The following CSMD1 variants were observed in gnomAD, a reference collection of about 807,000 sequenced individuals.
CSMD1 encodes CUB and Sushi multiple domains 1, also known as CUB and sushi domain-containing protein 1.
Under a neutral mutation model 417.5 loss-of-function variants are expected in CSMD1, and 213 were observed. The ratio of observed to expected loss-of-function variants is 0.51; its 90% CI spans 0.46 to 0.57. The LOEUF (loss-of-function observed/expected upper bound fraction) is 0.57. Ranked by LOEUF, CSMD1 falls within the 20% of genes least tolerant of loss-of-function variation. The probability of loss-of-function intolerance (pLI) is 0.00; values close to 1 mark genes in which losing one functional copy is unlikely to be tolerated. For synonymous variants in CSMD1, 2,862 were observed against 1,736.8 expected, an observed-to-expected ratio of 1.65 and a Z score of -16.11; for missense variants, 6,923 against 4,529.7, an observed-to-expected ratio of 1.53 and a Z score of -15.17.
intron 26 of CSMD1, among the ~76,000 whole-genome samples, chr8:3,250,573 C>T (rs1005744680): frequency 6.6e-6 from 1 of 152,130 alleles, no homozygotes; most frequent in Admixed American, 6.6e-5. Flanking sequence ...TGTATATACC[C>T]AGTAATGGGA....
chr8:3,675,972 C>A lies in CSMD1; in HGVS notation c.1009+32442G>T, dbSNP rs140381831. On this transcript the variant is annotated intron_variant, in intron 7 of 69. Transcript: ENST00000635120. ...TATTTTCTCAGCCCAGGCCTGCCATCTTCCCAGTCAGAGACTCTGTAATAG... is the reference window on the plus strand; with the variant it reads ...TATTTTCTCAGCCCAGGCCTGCCATATTCCCAGTCAGAGACTCTGTAATAG... Among the ~76,000 whole-genome samples the A allele has an allele frequency of 3.4e-3, 513 of 152,298 alleles. 11 individuals carry two copies. The highest frequency in any genetic ancestry group is 4.2e-3 in the East Asian group (22 of 5,182).
intron 4 of CSMD1, among the ~76,000 whole-genome samples, chr8:4,011,838 G>C (rs1480719342): frequency 1.3e-5 from 2 of 151,962 alleles, no homozygotes; most frequent in Non-Finnish European, 2.9e-5. Context: ...GTCATCTTTG[G>C]TATCCATTGG....
At chr8:3,493,793 G>A in intron 10 of CSMD1, 67 bp from the exon 11 acceptor site, 1 of 1,302,520 alleles carries the variant, frequency 7.7e-7, no homozygotes, top group Non-Finnish European at 1.1e-6. Context: ...AATAGGTATT[G>A]CAAATATCTA....
chr8:4,099,155 G>T (rs1801173569), intron 3 of CSMD1, among the ~76,000 whole-genome samples: 1 of 150,960 alleles, frequency 6.6e-6, no homozygotes, highest in African/African-American at 2.4e-5. Flanking sequence ...CCCCAACCAT[G>T]CATATGTCTT....
chr8:3,813,097 T>A, intron 5 of CSMD1, among the ~76,000 whole-genome samples: 1 of 151,708 alleles, frequency 6.6e-6, no homozygotes, highest in East Asian at 1.9e-4. Context: ...GCTAGTTTTT[T>A]TTTTTTTTTT....
intron 2 of CSMD1, among the ~76,000 whole-genome samples, chr8:4,629,518 A>C (rs1013938173): frequency 6.6e-6 from 1 of 152,180 alleles, no homozygotes; most frequent in African/African-American, 2.4e-5. Context: ...AATTAAGAGA[A>C]ACAATTCTTT....
intron 2 of CSMD1, among the ~76,000 whole-genome samples, chr8:4,563,705 T>C (rs1798454814): frequency 6.6e-6 from 1 of 152,242 alleles, no homozygotes; most frequent in Non-Finnish European, 1.5e-5. Flanking sequence ...CCTTCTTTAA[T>C]ATGCAAATTG....
chr8:4,433,937 G>T (rs889153530), intron 2 of CSMD1, among the ~76,000 whole-genome samples: 8 of 152,154 alleles, frequency 5.3e-5, no homozygotes, highest in Non-Finnish European at 8.8e-5. Flanking sequence ...GGGGAAACTT[G>T]TAGAATTGAG....
intron 5 of CSMD1, among the ~76,000 whole-genome samples, chr8:3,754,447 T>TATTG (rs1257227047): frequency 6.6e-6 from 1 of 151,060 alleles, no homozygotes; most frequent in Non-Finnish European, 1.5e-5. Flanking sequence ...TTTATTTATT[T>TATTG]ATTTATTTAT....
intron 5 of CSMD1, among the ~76,000 whole-genome samples, chr8:3,956,958 C>T (rs35018211): frequency 0.45 from 69,116 of 151,944 alleles, 16,528 homozygotes; most frequent in East Asian, 0.73. Flanking sequence ...TTTTTCTATA[C>T]GGAAAGGTTG....
chr8:3,720,928 G>T (rs184985094), intron 6 of CSMD1, among the ~76,000 whole-genome samples: 1 of 152,078 alleles, frequency 6.6e-6, no homozygotes, highest in Admixed American at 6.5e-5. Flanking sequence ...TGTTTCTCCT[G>T]CCTCAGCCTC....
chr8:4,044,767 ACCCTAGCCG>A (rs1171605491), intron 3 of CSMD1, among the ~76,000 whole-genome samples: 4 of 152,192 alleles, frequency 2.6e-5, no homozygotes, highest in Non-Finnish European at 2.9e-5. Flanking sequence ...GCCACATAGC[ACCCTAGCCG>A]TGTAGCACCC....
At chr8:3,827,255 A>C (rs753641400) in intron 5 of CSMD1, among the ~76,000 whole-genome samples, 1 of 152,216 alleles carries the variant, frequency 6.6e-6, no homozygotes, top group Non-Finnish European at 1.5e-5. Context: ...GCTAAAATAA[A>C]GCACACATAT....
chr8:3,715,162 A>C (rs1801753516), intron 6 of CSMD1, among the ~76,000 whole-genome samples: 1 of 152,174 alleles, frequency 6.6e-6, no homozygotes, highest in African/African-American at 2.4e-5. Context: ...CACACATTTA[A>C]TTATTTTTTG....
chr8:4,581,983 G>C (rs904415833), intron 2 of CSMD1, among the ~76,000 whole-genome samples: 1 of 152,192 alleles, frequency 6.6e-6, no homozygotes, highest in African/African-American at 2.4e-5. Flanking sequence ...GACAAACGAC[G>C]ATGGCTAAAA....
At chr8:4,662,750 G>A (rs1020771262) in intron 1 of CSMD1, among the ~76,000 whole-genome samples, 1 of 152,292 alleles carries the variant, frequency 6.6e-6, no homozygotes, top group African/African-American at 2.4e-5. Flanking sequence ...CTGCTCCACC[G>A]TTCCTATGGA....
At position 4,969,558 on chromosome 8, in the gene CSMD1, T is replaced by C. The variant is rs780303065; in HGVS notation, c.85+24774A>G. ...TGTCTAGGAAATAATATTACTCTTATCTCACAACAGCTCAGTTCTATTTTT... is the reference window on the plus strand; with the variant it reads ...TGTCTAGGAAATAATATTACTCTTACCTCACAACAGCTCAGTTCTATTTTT... On this transcript the variant is annotated intron_variant, in intron 1 of 69. Coordinates refer to ENST00000635120, the MANE Select transcript of CSMD1 (RefSeq NM_033225.6). 3.9e-5 allele frequency among the ~76,000 whole-genome samples: 6 copies of C among 151,920 alleles called. No homozygotes were observed. In the East Asian group the frequency reaches 5.8e-4, roughly 15 times the overall value.
chr8:3,691,193 C>A (rs1292646876), intron 7 of CSMD1, among the ~76,000 whole-genome samples: 3 of 151,846 alleles, frequency 2.0e-5, no homozygotes, highest in Non-Finnish European at 4.4e-5. Flanking sequence ...ATGGTGAAAC[C>A]ACGTCTCTAC....
chr8:3,765,602 T>C lies in CSMD1; in HGVS notation c.819-11560A>G, dbSNP rs546101989. 3.9e-5 allele frequency among the ~76,000 whole-genome samples: 6 copies of C among 152,348 alleles called. No individual in the cohort carries two copies. The East Asian group carries it at 1.2e-3, about 29-fold the overall frequency. On this transcript the variant is annotated intron_variant, in intron 5 of 69. Transcript: ENST00000635120. ...TAAATGGTTTCTTTACTTTTATTTT[T>C]GCTCCTAATGTAAGTTATTAAGAGA...
Sources: gnomAD v4.1 joint callset for allele counts (sites outside exome capture counted in the v4.1 genomes callset) on GRCh38, gnomAD v4.1.1 for gene constraint, MANE v1.5 for transcripts, NCBI Gene and HGNC (gene_info 2026-07-23, HGNC 2026-07-21) for gene names.